The following SLC25A48 variants were observed in gnomAD, a reference collection of about 807,000 sequenced individuals.
SLC25A48 encodes the protein CTC-321K16.1.
SLC25A48 carries 29 observed loss-of-function variants against 32.2 expected under a neutral mutation model. The ratio of observed to expected loss-of-function variants is 0.90; its 90% CI spans 0.67 to 1.23. SLC25A48 has a LOEUF of 1.23. Ranked by LOEUF, SLC25A48 falls within the 50% of genes most tolerant of loss-of-function variation. The probability of loss-of-function intolerance (pLI) is 0.00; values close to 1 mark genes in which losing one functional copy is unlikely to be tolerated. For synonymous variants in SLC25A48, 164 were observed against 172.3 expected (o/e 0.95, Z 0.38); for missense variants, 399 against 422.7 (o/e 0.94, Z 0.49).
At chr5:135,850,302 T>C (rs951012590) in intron 2 of SLC25A48, 123 bp from the exon 3 acceptor site, 29 of 936,610 alleles carry the variant, frequency 3.1e-5, no homozygotes, top group Non-Finnish European at 4.7e-5. Context: ...TGGCCAGGAC[T>C]GAAACCCAGA....
rs1185830690 is a variant in SLC25A48 at position 135,886,669 on chromosome 5, TGTGTGAGAGA to T, written c.*8-1361_*8-1352del. Among the ~76,000 whole-genome samples, 85 of 81,290 alleles carry T rather than the reference TGTGTGAGAGA, an allele frequency of 1.0e-3. 4 individuals are homozygous for T. Among genetic ancestry groups the T allele is most frequent in the African/African-American group, 5.2e-3 (77 of 14,700 alleles). 53.3% of individuals were successfully genotyped at this position (81,290 alleles called of 152,430 possible). On this transcript the variant is annotated intron_variant, in intron 7 of 7. Transcript: ENST00000681962. ...ATATATGTGTGTGTGTGTGTGTGTG[TGTGTGAGAGA>T]GAGAGAGAGAGAGAGAGAGAGAGTG...
chr5:135,880,258 C>G (rs1762370497), intron 7 of SLC25A48, 161 bp downstream of exon 7: 9 of 1,086,214 alleles, frequency 8.3e-6, no homozygotes, highest in Non-Finnish European at 1.1e-5. Context: ...CACCAAACAG[C>G]AGTTCAGAAA....
intron 3 of SLC25A48, among the ~76,000 whole-genome samples, chr5:135,674,416 A>G (rs954500369): frequency 7.9e-5 from 12 of 151,916 alleles, no homozygotes; most frequent in African/African-American, 2.4e-4. Flanking sequence ...CCATTAACCA[A>G]TCTCTCCTTA....
intron 3 of SLC25A48, among the ~76,000 whole-genome samples, chr5:135,810,853 C>T (rs929911691): frequency 2.6e-4 from 39 of 152,182 alleles, no homozygotes; most frequent in African/African-American, 9.2e-4. Context: ...TTTGCCAGCA[C>T]TCGCAAGGGT....
At chr5:135,713,140 GT>G (rs1754710187) in intron 3 of SLC25A48, among the ~76,000 whole-genome samples, 1 of 152,212 alleles carries the variant, frequency 6.6e-6, no homozygotes. Context: ...CTGAGAGCTT[GT>G]TGGAAATGCA....
At chr5:135,879,875 T>C in intron 6 of SLC25A48, 93 bp from the exon 7 acceptor site, 1 of 1,476,608 alleles carries the variant, frequency 6.8e-7, no homozygotes, top group Non-Finnish European at 9.0e-7. Context: ...CGGGCCTGGG[T>C]AGGCAGCACC....
chr5:135,723,649 C>T (rs187894560), intron 3 of SLC25A48, among the ~76,000 whole-genome samples: 29 of 152,212 alleles, frequency 1.9e-4, no homozygotes, highest in African/African-American at 6.3e-4. Context: ...TTTAATCTTC[C>T]CTTCCAGGGC....
chr5:135,636,170 T>C (rs1752700640), intron 3 of SLC25A48, among the ~76,000 whole-genome samples: 1 of 152,228 alleles, frequency 6.6e-6, no homozygotes, highest in African/African-American at 2.4e-5. Context: ...ACTCCAGATC[T>C]AGCTCATTAC....
intron 3 of SLC25A48, among the ~76,000 whole-genome samples, chr5:135,667,871 C>G (rs1753559709): frequency 1.3e-5 from 2 of 152,232 alleles, no homozygotes; most frequent in Admixed American, 1.3e-4. Flanking sequence ...AGATTGTTCA[C>G]TCACTCTATA....
chr5:135,686,958 T>A (rs199632188), intron 3 of SLC25A48, among the ~76,000 whole-genome samples: 3 of 151,902 alleles, frequency 2.0e-5, no homozygotes, highest in Non-Finnish European at 4.4e-5. Flanking sequence ...TTTTTTTTTT[T>A]CCACAGAGAA....
intron 3 of SLC25A48, among the ~76,000 whole-genome samples, chr5:135,698,337 C>T (rs781689938): frequency 7.9e-5 from 12 of 152,186 alleles, no homozygotes; most frequent in Non-Finnish European, 1.8e-4. Flanking sequence ...TTTTCTTTGG[C>T]TGGTGGTTCT....
chr5:135,850,462 T>G lies in SLC25A48; in HGVS notation c.128T>G (p.Leu43Arg). Reference sequence around the variant, plus strand: ...GCTGGCGTTGGCTACGGAAACACCCTCAGCTGCATCCGCGTGGTGTACAGG... The same window carrying G: ...GCTGGCGTTGGCTACGGAAACACCCGCAGCTGCATCCGCGTGGTGTACAGG... ...LQAGVGYGNT[L>R]SCIRVVYRRE... Residue 43 changes from leucine to arginine, a missense_variant, in exon 3 of 8, where the codon CTC becomes CGC. Physicochemically the swap from Leu to Arg is moderately radical, Grantham distance 102 (BLOSUM62 -2). Transcript: ENST00000681962. The G allele has an allele frequency of 6.2e-7, 1 of 1,614,128 alleles. No individual in the cohort carries two copies. Among genetic ancestry groups the G allele is most frequent in the Non-Finnish European group, 8.5e-7 (1 of 1,180,014 alleles).
chr5:135,850,874 A>G (rs1410204189), intron 3 of SLC25A48, among the ~76,000 whole-genome samples: 2 of 152,176 alleles, frequency 1.3e-5, no homozygotes, highest in Non-Finnish European at 2.9e-5. Context: ...GGCCGGAGCC[A>G]GATGTGTCTG....
chr5:135,735,554 A>G (rs558365496), intron 3 of SLC25A48, among the ~76,000 whole-genome samples: 2 of 152,178 alleles, frequency 1.3e-5, no homozygotes, highest in South Asian at 2.1e-4. Flanking sequence ...GCCTTTTTAA[A>G]TCCTTCAACT....
At chr5:135,809,802 A>C (rs1757552843) in intron 3 of SLC25A48, among the ~76,000 whole-genome samples, 1 of 152,212 alleles carries the variant, frequency 6.6e-6, no homozygotes, top group Non-Finnish European at 1.5e-5. Context: ...TGCTGTTTTG[A>C]GTAGTACTGG....
At chr5:135,834,130 G>C (rs1269162184), upstream of SLC25A48, among the ~76,000 whole-genome samples, 1 of 152,232 alleles carries the variant, frequency 6.6e-6, no homozygotes, top group Non-Finnish European at 1.5e-5. Flanking sequence ...CCTGGGGCCT[G>C]GCTGAATGTA....
intron 3 of SLC25A48, among the ~76,000 whole-genome samples, chr5:135,753,515 A>C (rs1424353525): frequency 6.6e-6 from 1 of 152,044 alleles, no homozygotes; most frequent in Admixed American, 6.6e-5. Flanking sequence ...TATCTAGAGG[A>C]CATTAAGCCT....
intron 3 of SLC25A48, among the ~76,000 whole-genome samples, chr5:135,685,946 C>T (rs1016467235): frequency 6.6e-6 from 1 of 152,194 alleles, no homozygotes; most frequent in Non-Finnish European, 1.5e-5. Flanking sequence ...GTGTTCCAGG[C>T]ACCACAGCCC....
chr5:135,880,845 A>G lies in SLC25A48; in HGVS notation c.*7+748A>G, dbSNP rs542172274. On this transcript the variant is annotated intron_variant, in intron 7 of 7. Transcript: ENST00000681962. The stretch of plus-strand genomic sequence containing the variant: ...TTTCCTACTTGTCCTTGGCTTCACC[A>G]GCTCTTTGCCATCCAGGCTGTAGAA... Among the ~76,000 whole-genome samples the G allele has an allele frequency of 3.4e-3, 513 of 152,182 alleles. 4 individuals are homozygous for G. The highest frequency in any genetic ancestry group is 3.3e-3 in the Non-Finnish European group (223 of 67,998).
Sources: allele counts gnomAD v4.1 joint callset (sites outside exome capture counted in the v4.1 genomes callset), GRCh38; gene constraint gnomAD v4.1.1; transcripts MANE v1.5; gene names NCBI Gene and HGNC (gene_info 2026-07-23, HGNC 2026-07-21).